CBFA2T2: variants seen among roughly 807,000 people sequenced by gnomAD.
The protein encoded by CBFA2T2 is CBFA2/RUNX1 partner transcriptional co-repressor 2, also known as protein CBFA2T2.
Under a neutral mutation model 62.2 loss-of-function variants are expected in CBFA2T2, and 11 were observed. The observed-to-expected ratio is 0.18, with a 90% CI of 0.11 to 0.29. The LOEUF is 0.29. Among genes scored for constraint, CBFA2T2 ranks in the 10% least tolerant of loss-of-function variants. The pLI is 1.00. For synonymous variants in CBFA2T2, 295 were observed against 287.5 expected, an observed-to-expected ratio of 1.03 and a Z score of -0.27; for missense variants, 592 against 774.1, an observed-to-expected ratio of 0.76 and a Z score of 2.79.
chr20:33,556,944 C>A (rs1207733594), intron 1 of CBFA2T2, among the ~76,000 whole-genome samples: 1 of 149,506 alleles, frequency 6.7e-6, no homozygotes, highest in East Asian at 2.0e-4. Context: ...GTTCTTTTGA[C>A]ATACCCCTGT....
chr20:33,644,289 G>A, intron 10 of CBFA2T2, 58 bp from the exon 11 acceptor site: 1 of 1,565,050 alleles, frequency 6.4e-7, no homozygotes, highest in Non-Finnish European at 8.7e-7. Flanking sequence ...TGCAGGGAAT[G>A]AATGGCAAGC....
At chr20:33,574,278 C>T (rs1466404235) in intron 1 of CBFA2T2, 2 of 1,605,778 alleles carry the variant, frequency 1.2e-6, no homozygotes, top group South Asian at 2.2e-5. Context: ...GTGAAACATT[C>T]ATTTCTAATA....
chr20:33,575,546 T>G (rs747202302), intron 1 of CBFA2T2, among the ~76,000 whole-genome samples: 8 of 152,192 alleles, frequency 5.3e-5, no homozygotes, highest in Non-Finnish European at 1.0e-4. Context: ...TAGAAACCTT[T>G]CTGTACTGTA....
intron 1 of CBFA2T2, among the ~76,000 whole-genome samples, chr20:33,565,754 A>G (rs1390527336): frequency 1.3e-5 from 2 of 152,174 alleles, no homozygotes; most frequent in Non-Finnish European, 2.9e-5. Context: ...CTAGGAGGAA[A>G]TTCTCCTAAA....
rs139409587 is a variant in CBFA2T2 at position 33,623,198 on chromosome 20, C to T, written c.594C>T (p.His198=). Residue 198 remains histidine (H), a synonymous_variant, in exon 5 of 11, where the codon CAC becomes CAT. Coordinates refer to ENST00000342704, the MANE Select transcript of CBFA2T2 (RefSeq NM_001032999.3). ...KQTPSQYLAQ[H]EHLLLNTSIA... is the part of the protein sequence containing the mutation. ...CCCCATCCCAGTACCTGGCTCAGCA[C>T]GAACACCTTCTGCTCAACACAAGCA... 19 of 1,614,116 alleles carry T rather than the reference C, an allele frequency of 1.2e-5. No homozygotes were observed. The highest frequency in any genetic ancestry group is 7.7e-5 in the South Asian group (7 of 91,088).
At chr20:33,572,787 CT>C (rs1164380192) in intron 1 of CBFA2T2, among the ~76,000 whole-genome samples, 1 of 152,194 alleles carries the variant, frequency 6.6e-6, no homozygotes, top group Non-Finnish European at 1.5e-5. Context: ...GGATTTCATT[CT>C]GAGTGATGGG....
At chr20:33,597,003 C>G (rs759695225) in intron 1 of CBFA2T2, among the ~76,000 whole-genome samples, 1 of 150,588 alleles carries the variant, frequency 6.6e-6, no homozygotes, top group African/African-American at 2.4e-5. Flanking sequence ...CAGCTCACTG[C>G]AGCCTGAAAC....
chr20:33,590,300 C>A (rs1478535393), intron 1 of CBFA2T2, among the ~76,000 whole-genome samples: 1 of 151,452 alleles, frequency 6.6e-6, no homozygotes, highest in Non-Finnish European at 1.5e-5. Context: ...AAACAGCTTC[C>A]AGAAAATAGT....
In CBFA2T2 at chr20:33,644,950, C is replaced by A. The variant is rs547029454; in HGVS notation, c.*304C>A. ...CCGGCCCCTTTTCAGTGTAGACCAC[C>A]AGCTCCCCTCCCCATCTCCTTGAGT... On this transcript the variant is annotated 3_prime_UTR_variant, in exon 11 of 11. Transcript: ENST00000342704. 264 of 341,972 alleles carry A rather than the reference C, an allele frequency of 7.7e-4. 1 individual carries two copies. Among genetic ancestry groups the A allele is most frequent in the African/African-American group, 5.2e-3 (246 of 47,542 alleles). The allele number at this position is 341,972 out of a possible 1,614,324, so 21.2% of individuals were successfully genotyped here.
intron 10 of CBFA2T2, among the ~76,000 whole-genome samples, chr20:33,642,453 A>T (rs1435910606): frequency 1.3e-5 from 2 of 152,046 alleles, no homozygotes; most frequent in African/African-American, 2.4e-5. Context: ...AAAAAAATTT[A>T]AAAATTAGCC....
At chr20:33,544,299 T>C (rs950109434) in intron 1 of CBFA2T2, among the ~76,000 whole-genome samples, 1 of 152,186 alleles carries the variant, frequency 6.6e-6, no homozygotes, top group Non-Finnish European at 1.5e-5. Context: ...GTAGGCCTAG[T>C]CTTGCCTCAG....
At chr20:33,526,174 A>T (rs906503521) in intron 1 of CBFA2T2, among the ~76,000 whole-genome samples, 3 of 152,254 alleles carry the variant, frequency 2.0e-5, no homozygotes, top group African/African-American at 7.2e-5. Flanking sequence ...GGCGTGAGCC[A>T]CCGCGCCTGG....
At chr20:33,627,365 C>T (rs2016274678) in intron 6 of CBFA2T2, among the ~76,000 whole-genome samples, 1 of 152,026 alleles carries the variant, frequency 6.6e-6, no homozygotes, top group Non-Finnish European at 1.5e-5. Flanking sequence ...CCGCTGCACT[C>T]CATCCTGGCA....
chr20:33,607,036 A>G lies in CBFA2T2; in HGVS notation c.115A>G (p.Met39Val). The change falls in exon 2 of 11, where the codon ATG (methionine) becomes GTG (valine). Residue 39 changes from methionine (M) to valine (V), a missense_variant. This residue lies in a region of CBFA2T2 where 449 missense variants were observed against 551.2 expected (regional missense o/e 0.81). Transcript: ENST00000342704. ...KIQSRSSPPT[M>V]PPLPPINPGG... ...ACAGTCCAGATCCTCACCTCCCACC[A>G]TGCCACCCCTCCCACCAATAAATCC... 6.2e-7 allele frequency: 1 copy of G among 1,613,986 alleles called. No homozygotes were observed. Among genetic ancestry groups the G allele is most frequent in the East Asian group, 2.2e-5 (1 of 44,864 alleles).
chr20:33,644,154 A>T (rs1355191558), intron 10 of CBFA2T2, among the ~76,000 whole-genome samples, 193 bp from the exon 11 acceptor site: 1 of 152,022 alleles, frequency 6.6e-6, no homozygotes, highest in African/African-American at 2.4e-5. Flanking sequence ...TGTTTTACAG[A>T]TGAAGGAAAC....
At chr20:33,636,842 C>T in intron 9 of CBFA2T2, 134 bp downstream of exon 9, 1 of 614,388 alleles carries the variant, frequency 1.6e-6, no homozygotes, top group Non-Finnish European at 2.9e-6. Flanking sequence ...CTCTAGGCTC[C>T]TGCCTCTCCT....
intron 9 of CBFA2T2, chr20:33,639,134 T>G (rs1192551430): frequency 1.3e-5 from 2 of 152,432 alleles, no homozygotes; most frequent in Non-Finnish European, 2.9e-5. Flanking sequence ...CCAACCTTTT[T>G]CTGCCTCATC....
intron 1 of CBFA2T2, among the ~76,000 whole-genome samples, chr20:33,572,769 A>G (rs765077536): frequency 1.3e-5 from 2 of 152,232 alleles, no homozygotes; most frequent in Non-Finnish European, 1.5e-5. Flanking sequence ...TTGTAATCCA[A>G]TGAATTTGGA....
chr20:33,604,258 C>A (rs1347401604), intron 1 of CBFA2T2, among the ~76,000 whole-genome samples: 1 of 152,168 alleles, frequency 6.6e-6, no homozygotes, highest in Admixed American at 6.6e-5. Flanking sequence ...TTCTAATCAT[C>A]ATTCCTGTTA....
Sources: gnomAD v4.1 joint callset for allele counts (sites outside exome capture counted in the v4.1 genomes callset) on GRCh38, gnomAD v4.1.1 for gene constraint, gnomAD v4.1.1 regional missense constraint, MANE v1.5 for transcripts, NCBI Gene and HGNC (gene_info 2026-07-23, HGNC 2026-07-21) for gene names.